The following CNNM1 variants were observed in gnomAD, a reference collection of about 807,000 sequenced individuals.
CNNM1 encodes metal transporter CNNM1.
Under a neutral mutation model 78.8 loss-of-function variants are expected in CNNM1, and 44 were observed. The ratio of observed to expected loss-of-function variants is 0.56; its 90% CI spans 0.44 to 0.72. The LOEUF is 0.72. Ranked by LOEUF, CNNM1 falls within the 30% of genes least tolerant of loss-of-function variation. The probability of loss-of-function intolerance (pLI) is 0.00; values close to 1 mark genes in which losing one functional copy is unlikely to be tolerated. For missense variants in CNNM1, 1,101 were observed against 1,292.2 expected, an observed-to-expected ratio of 0.85 and a Z score of 2.27; for synonymous variants, 584 against 581.5, an observed-to-expected ratio of 1.00 and a Z score of -0.06.
intron 7 of CNNM1, among the ~76,000 whole-genome samples, chr10:99,378,473 G>A (rs2032045953): frequency 6.6e-6 from 1 of 152,186 alleles, no homozygotes; most frequent in Non-Finnish European, 1.5e-5. Context: ...TTGGAGAGGG[G>A]TGTGTGCTGG....
intron 1 of CNNM1, among the ~76,000 whole-genome samples, chr10:99,342,296 TAATGG>T (rs1457877593): frequency 6.6e-6 from 1 of 152,198 alleles, no homozygotes; most frequent in African/African-American, 2.4e-5. Context: ...GACCTCCAGA[TAATGG>T]GTTGTTACTC....
chr10:99,385,716 T>G (rs1384408882), intron 7 of CNNM1, among the ~76,000 whole-genome samples: 1 of 152,256 alleles, frequency 6.6e-6, no homozygotes, highest in Non-Finnish European at 1.5e-5. Context: ...GTGTATTCAT[T>G]TGCCCATTGG....
chr10:99,330,774 C>G lies in CNNM1; in HGVS notation c.1387C>G (p.Arg463Gly), dbSNP rs1238773009. The part of the protein sequence containing the change: ...VSEILRSGYT[R>G]IPVYEGDQRH... ...CGAGATCCTGCGCAGCGGCTACACT[C>G]GCATCCCAGTGTACGAGGGTGACCA... The change falls in exon 1 of 11, where the codon CGC becomes GGC. Residue 463 changes from arginine to glycine, a missense_variant. By Grantham distance (125) the Arg-to-Gly change is moderately radical. Coordinates refer to ENST00000356713, the MANE Select transcript of CNNM1 (RefSeq NM_020348.3). 1 of 1,614,100 alleles carries G rather than the reference C, an allele frequency of 6.2e-7. No homozygotes were observed. Among genetic ancestry groups the G allele is most frequent in the Non-Finnish European group, 8.5e-7 (1 of 1,179,976 alleles).
At chr10:99,331,177 G>C (rs1307744656) in intron 1 of CNNM1, among the ~76,000 whole-genome samples, 4 of 152,042 alleles carry the variant, frequency 2.6e-5, no homozygotes, top group African/African-American at 4.8e-5. Flanking sequence ...CTCTCTACTT[G>C]ATTCACAAGA....
Position 99,378,743 on chromosome 10 carries a change from A to AG in CNNM1, c.2340+1526dup, listed in dbSNP as rs201565755. On this transcript the variant is annotated intron_variant, in intron 7 of 10. Coordinates refer to ENST00000356713, the MANE Select transcript of CNNM1 (RefSeq NM_020348.3). ...TGTCATTCCCATTTTCTAGATGAAG[A>AG]GTTCAGGTTTGAGGAGTATAGGGTC... 5.9e-3 allele frequency among the ~76,000 whole-genome samples: 900 copies of AG among 152,296 alleles called. 11 individuals are homozygous for AG. Among genetic ancestry groups the AG allele is most frequent in the African/African-American group, 0.021 (854 of 41,552 alleles).
At chr10:99,379,308 T>A (rs2032068059) in intron 7 of CNNM1, among the ~76,000 whole-genome samples, 1 of 152,132 alleles carries the variant, frequency 6.6e-6, no homozygotes, top group Non-Finnish European at 1.5e-5. Context: ...ATACATAACC[T>A]AGGTAATTTC....
chr10:99,388,446 G>A, intron 9 of CNNM1, 145 bp downstream of exon 9: 1 of 927,044 alleles, frequency 1.1e-6, no homozygotes, highest in Non-Finnish European at 1.6e-6. Flanking sequence ...GCCAGGGAAA[G>A]GAAACATTTA....
At chr10:99,339,187 C>G (rs1302932824) in intron 1 of CNNM1, among the ~76,000 whole-genome samples, 2 of 152,236 alleles carry the variant, frequency 1.3e-5, no homozygotes, top group African/African-American at 4.8e-5. Flanking sequence ...TGTACACTAG[C>G]ATGGCTGTAA....
At chr10:99,377,026 G>C (rs1226665510) in intron 6 of CNNM1, 29 bp from the exon 7 acceptor site, 2 of 1,369,226 alleles carry the variant, frequency 1.5e-6, no homozygotes, top group African/African-American at 1.5e-5. Flanking sequence ...ATCCCTCCTT[G>C]TCTTTTCTCC....
At chr10:99,373,710 C>T (rs145838514) in intron 6 of CNNM1, among the ~76,000 whole-genome samples, 2 of 151,212 alleles carry the variant, frequency 1.3e-5, no homozygotes, top group East Asian at 3.9e-4. Flanking sequence ...TATCCCTCAC[C>T]CTCTCCTGCC....
intron 2 of CNNM1, among the ~76,000 whole-genome samples, chr10:99,360,626 C>T (rs12778028): frequency 2.0e-3 from 310 of 152,162 alleles, no homozygotes; most frequent in Non-Finnish European, 3.1e-3. Context: ...TTCTACTATA[C>T]ACCCCCTAAG....
chr10:99,337,621 G>A (rs1404916102), intron 1 of CNNM1, among the ~76,000 whole-genome samples: 1 of 152,188 alleles, frequency 6.6e-6, no homozygotes, highest in Non-Finnish European at 1.5e-5. Flanking sequence ...ATTGTTTTAT[G>A]TGCATATCTC....
intron 1 of CNNM1, among the ~76,000 whole-genome samples, chr10:99,339,571 A>C (rs1393712415): frequency 6.6e-6 from 1 of 152,212 alleles, no homozygotes; most frequent in Non-Finnish European, 1.5e-5. Context: ...CAAGGAATCT[A>C]GGTTGCGTGC....
intron 7 of CNNM1, among the ~76,000 whole-genome samples, chr10:99,384,139 A>G (rs2032238970): frequency 6.6e-6 from 1 of 152,188 alleles, no homozygotes; most frequent in Admixed American, 6.5e-5. Context: ...CTCACGTTAC[A>G]TTTCTCTTCA....
At chr10:99,369,534 A>G (rs2031734136) in intron 6 of CNNM1, among the ~76,000 whole-genome samples, 1 of 152,168 alleles carries the variant, frequency 6.6e-6, no homozygotes, top group Non-Finnish European at 1.5e-5. Flanking sequence ...AACATTTAAA[A>G]AAGGTCATGT....
At chr10:99,360,297 AG>A (rs963528438) in intron 2 of CNNM1, among the ~76,000 whole-genome samples, 2 of 152,192 alleles carry the variant, frequency 1.3e-5, no homozygotes, top group African/African-American at 4.8e-5. Flanking sequence ...CATAAGCAGC[AG>A]GAGACTAGGT....
At position 99,390,346 on chromosome 10, in the gene CNNM1, G is replaced by C; in HGVS notation, c.2715G>C (p.Glu905Asp). 7 of 1,613,354 alleles carry C rather than the reference G, an allele frequency of 4.3e-6. No homozygotes were observed. The highest frequency in any genetic ancestry group is 1.7e-4 in the Middle Eastern group (1 of 6,058). The change falls in exon 10 of 11, where the codon GAG (glutamate) becomes GAC (aspartate). Residue 905 changes from glutamate (E) to aspartate (D), a missense_variant. Glu to Asp is a conservative substitution (Grantham distance 45, BLOSUM62 2). Coordinates refer to ENST00000356713, the MANE Select transcript of CNNM1 (RefSeq NM_020348.3). ...GTTGTAACATCAACCTGGATACAGA[G>C]ACCAGCCCCTGCAGTAGCGATTTTG... ...SECCNINLDT[E>D]TSPCSSDFEE...
chr10:99,330,283 G>T lies in CNNM1; in HGVS notation c.896G>T (p.Gly299Val), dbSNP rs950689712. ...GCCGGAGCCAACGCGGCCCTGGCTG[G>T]CTGGCTGTACACCTCGCTGCCGCCG... ...GQAGANAALA[G>V]WLYTSLPPGF... The change falls in exon 1 of 11, where the codon GGC becomes GTC. Residue 299 changes from glycine (G) to valine (V), a missense_variant. Coordinates refer to ENST00000356713, the MANE Select transcript of CNNM1 (RefSeq NM_020348.3). The T allele has an allele frequency of 2.5e-6, 4 of 1,574,114 alleles. No homozygotes were observed. In the African/African-American group the frequency reaches 4.0e-5, roughly 16 times the overall value.
In CNNM1 at chr10:99,387,809, C is replaced by G; in HGVS notation, c.2341-11C>G. On this transcript the variant is annotated splice_polypyrimidine_tract_variant and intron_variant, in intron 7 of 10. Coordinates refer to ENST00000356713, the MANE Select transcript of CNNM1 (RefSeq NM_020348.3). ...CTAGCTGCTCCTAAGCTCCTGCCCT[C>G]TTCCTTCCAGATCACACGGCAGCAA... The G allele has an allele frequency of 6.3e-7, 1 of 1,583,300 alleles. No individual in the cohort carries two copies. Among genetic ancestry groups the G allele is most frequent in the Non-Finnish European group, 8.6e-7 (1 of 1,164,520 alleles).
Sources: gnomAD v4.1 joint callset for allele counts (sites outside exome capture counted in the v4.1 genomes callset) on GRCh38, gnomAD v4.1.1 for gene constraint, MANE v1.5 for transcripts, NCBI Gene and HGNC (gene_info 2026-07-23, HGNC 2026-07-21) for gene names.